Variants in TNIP3 observed in about 807,000 individuals in gnomAD.
The protein encoded by TNIP3 is TNFAIP3-interacting protein 3.
In TNIP3, 34 loss-of-function variants were observed where a neutral mutation model predicts 54.1. That is an observed-to-expected ratio of 0.63 (90% CI 0.48 to 0.84). TNIP3 has a LOEUF of 0.84. TNIP3 is among the 40% of genes least tolerant of loss of function. The pLI is 0.00. For synonymous variants in TNIP3, 134 were observed against 136.8 expected, an observed-to-expected ratio of 0.98 and a Z score of 0.14; for missense variants, 366 against 387.6, an observed-to-expected ratio of 0.94 and a Z score of 0.47.
upstream of TNIP3, among the ~76,000 whole-genome samples, chr4:121,166,656 C>A (rs1271809776): frequency 1.3e-5 from 2 of 152,140 alleles, no homozygotes; most frequent in African/African-American, 4.8e-5. Flanking sequence ...GGTCTATAAC[C>A]ATCATTCTGG....
intron 2 of TNIP3, among the ~76,000 whole-genome samples, chr4:121,203,449 G>A (rs951658732): frequency 1.3e-5 from 2 of 152,118 alleles, no homozygotes. Context: ...ATGATACAAT[G>A]GACTTTGGGG....
chr4:121,185,554 T>C (rs1485373335), intron 2 of TNIP3, among the ~76,000 whole-genome samples: 1 of 152,140 alleles, frequency 6.6e-6, no homozygotes, highest in African/African-American at 2.4e-5. Flanking sequence ...CTCAGTCTCT[T>C]AGCACACAGT....
At chr4:121,133,010 C>A (rs976425868) in intron 10 of TNIP3, among the ~76,000 whole-genome samples, 9 of 152,050 alleles carry the variant, frequency 5.9e-5, no homozygotes, top group Non-Finnish European at 5.9e-5. Context: ...GTACTTACCC[C>A]AGAGAAAGAA....
intron 1 of TNIP3, among the ~76,000 whole-genome samples, chr4:121,222,068 A>G (rs1727048704): frequency 6.6e-6 from 1 of 152,226 alleles, no homozygotes; most frequent in Non-Finnish European, 1.5e-5. Flanking sequence ...CAGATTGTAC[A>G]TTATAGTAGC....
rs1189329906 is a variant in TNIP3, at chr4:121,175,275, C to T, written c.189+7401G>A. Among the ~76,000 whole-genome samples the T allele has an allele frequency of 2.0e-5, 3 of 152,156 alleles. No individual in the cohort carries two copies. In the East Asian group the frequency reaches 5.8e-4, roughly 29 times the overall value. On this transcript the variant is annotated intron_variant, in intron 3 of 12. Coordinates refer to the TNIP3 transcript ENST00000507879. ...AGAAGACAAAGGTGGAGTGATAATT[C>T]CAAAAGTAAGGATAATACCTTTGGC...
At chr4:121,146,020 T>C (rs1729411436) in intron 7 of TNIP3, among the ~76,000 whole-genome samples, 1 of 142,560 alleles carries the variant, frequency 7.0e-6, no homozygotes, top group Admixed American at 6.8e-5. Flanking sequence ...ATATATACTC[T>C]TTTTTTTTAC....
At chr4:121,137,839 A>T (rs1728877219) in intron 10 of TNIP3, 1 of 405,420 alleles carries the variant, frequency 2.5e-6, no homozygotes, top group African/African-American at 2.1e-5. Flanking sequence ...TTAACAAGTT[A>T]GAGTCCCAGG....
intron 2 of TNIP3, among the ~76,000 whole-genome samples, chr4:121,195,108 C>T (rs1725504955): frequency 6.6e-6 from 1 of 151,932 alleles, no homozygotes; most frequent in Non-Finnish European, 1.5e-5. Flanking sequence ...GCAGAGGTTG[C>T]AGTAAGCCAA....
chr4:121,227,402 G>A (rs1727304554), exon 1 of TNIP3: 1 of 1,535,080 alleles, frequency 6.5e-7, no homozygotes, highest in Admixed American at 2.0e-5. Flanking sequence ...TATCCTGAAA[G>A]TCCTTCTCAG....
intron 9 of TNIP3, among the ~76,000 whole-genome samples, chr4:121,139,825 T>G (rs1302084939): frequency 6.6e-6 from 1 of 152,184 alleles, no homozygotes; most frequent in Non-Finnish European, 1.5e-5. Flanking sequence ...AAATAACACA[T>G]AGGATAAGTG....
intron 2 of TNIP3, among the ~76,000 whole-genome samples, chr4:121,200,507 G>A (rs915424422): frequency 6.6e-6 from 1 of 152,078 alleles, no homozygotes; most frequent in Non-Finnish European, 1.5e-5. Context: ...GGGGTCCCTG[G>A]CAGTCTCTGG....
At chr4:121,184,349 T>C (rs1724888422) in intron 2 of TNIP3, among the ~76,000 whole-genome samples, 2 of 152,170 alleles carry the variant, frequency 1.3e-5, no homozygotes, top group South Asian at 4.1e-4. Flanking sequence ...TTGTTGAGAG[T>C]AGCTCACAGG....
intron 3 of TNIP3, 31 bp from the exon 4 acceptor site, chr4:121,157,274 T>C: frequency 6.2e-7 from 1 of 1,613,814 alleles, no homozygotes; most frequent in Non-Finnish European, 8.5e-7. Context: ...CAGCTGCAGA[T>C]ACCTTCTCTG....
chr4:121,203,478 G>A (rs1257668852), intron 2 of TNIP3, among the ~76,000 whole-genome samples: 1 of 152,046 alleles, frequency 6.6e-6, no homozygotes, highest in Admixed American at 6.6e-5. Context: ...GAAAGAATGG[G>A]ACAGGGGTGA....
chr4:121,132,294 C>A lies in TNIP3; in HGVS notation c.*337G>T. The stretch of plus-strand genomic sequence containing the variant: ...ACATACAATATCCCTGCAGCAAACA[C>A]TGAGTTGCCTAAATCATAGAATCAT... On this transcript the variant is annotated 3_prime_UTR_variant, in exon 11 of 11. Transcript: ENST00000057513. 1 of 276,972 alleles carries A rather than the reference C, an allele frequency of 3.6e-6. No homozygotes were observed. Among genetic ancestry groups the A allele is most frequent in the South Asian group, 7.5e-5 (1 of 13,422 alleles). The allele number at this position is 276,972 out of a possible 1,614,324, so 17.2% of individuals were successfully genotyped here.
At chr4:121,208,040 C>T (rs376867877) in intron 2 of TNIP3, among the ~76,000 whole-genome samples, 17 of 152,244 alleles carry the variant, frequency 1.1e-4, no homozygotes, top group South Asian at 4.2e-4. Context: ...TTTTCTCTTG[C>T]GGCCGCCATG....
chr4:121,156,593 A>G (rs1730100519), intron 4 of TNIP3, among the ~76,000 whole-genome samples: 1 of 152,210 alleles, frequency 6.6e-6, no homozygotes, highest in Non-Finnish European at 1.5e-5. Context: ...TAAATGAGAT[A>G]ATGAGGACGA....
At chr4:121,219,640 T>C (rs1208618809), upstream of TNIP3, among the ~76,000 whole-genome samples, 1 of 152,208 alleles carries the variant, frequency 6.6e-6, no homozygotes, top group Non-Finnish European at 1.5e-5. Context: ...GGTGTTCGTA[T>C]TACCAGTCAT....
At chr4:121,206,607 G>C (rs1242830624) in intron 2 of TNIP3, among the ~76,000 whole-genome samples, 4 of 151,860 alleles carry the variant, frequency 2.6e-5, no homozygotes, top group Non-Finnish European at 5.9e-5. Context: ...GGAGTGTAGT[G>C]GTGCAATCAC....
Sources: gnomAD v4.1 joint callset for allele counts (sites outside exome capture counted in the v4.1 genomes callset) on GRCh38, gnomAD v4.1.1 for gene constraint, MANE v1.5 for transcripts, NCBI Gene and HGNC (gene_info 2026-07-23, HGNC 2026-07-21) for gene names.